The following GPC5 variants were observed in gnomAD, a reference collection of about 807,000 sequenced individuals.
GPC5 encodes the protein glypican-5.
A neutral mutation model predicts 53.9 loss-of-function variants in GPC5; 47 were observed. The ratio of observed to expected loss-of-function variants is 0.87; its 90% CI spans 0.69 to 1.11. The LOEUF (loss-of-function observed/expected upper bound fraction) is 1.11. GPC5 is among the 50% of genes most tolerant of loss of function. The pLI is 0.00. For missense variants in GPC5, 748 were observed against 713.1 expected (o/e 1.05, Z -0.56); for synonymous variants, 286 against 263.3 (o/e 1.09, Z -0.84).
intron 3 of GPC5, among the ~76,000 whole-genome samples, chr13:91,695,387 A>AT (rs1016818448): frequency 3.3e-5 from 5 of 151,844 alleles, no homozygotes; most frequent in Non-Finnish European, 5.9e-5. Context: ...TTATTTATTT[A>AT]TTTTTTGACG....
chr13:92,184,893 T>C (rs2042173161), intron 7 of GPC5, among the ~76,000 whole-genome samples: 1 of 152,176 alleles, frequency 6.6e-6, no homozygotes, highest in Non-Finnish European at 1.5e-5. Flanking sequence ...TACAAAGCCA[T>C]GTCTAGTAAT....
At chr13:91,747,187 A>G (rs1210530283) in intron 4 of GPC5, among the ~76,000 whole-genome samples, 3 of 152,226 alleles carry the variant, frequency 2.0e-5, no homozygotes, top group African/African-American at 7.2e-5. Context: ...CAATTATAAC[A>G]GTATAGCCAG....
At chr13:92,797,638 TA>T (rs1453803022) in intron 7 of GPC5, among the ~76,000 whole-genome samples, 1 of 151,918 alleles carries the variant, frequency 6.6e-6, no homozygotes, top group African/African-American at 2.4e-5. Flanking sequence ...CTTTCATTCC[TA>T]AAAGGAAGAT....
intron 2 of GPC5, among the ~76,000 whole-genome samples, chr13:91,599,579 A>T (rs879756555): frequency 1.1e-4 from 17 of 152,182 alleles, no homozygotes; most frequent in Non-Finnish European, 1.8e-4. Context: ...TAATTAAAAA[A>T]ATATACATAA....
At chr13:92,122,293 T>C (rs1296576111) in intron 6 of GPC5, among the ~76,000 whole-genome samples, 1 of 109,106 alleles carries the variant, frequency 9.2e-6, no homozygotes, top group Non-Finnish European at 1.8e-5. Flanking sequence ...TTTTTAACTT[T>C]TTTTTTAATC....
chr13:91,942,313 C>G (rs1234229546), intron 6 of GPC5, among the ~76,000 whole-genome samples: 1 of 151,998 alleles, frequency 6.6e-6, no homozygotes, highest in African/African-American at 2.4e-5. Flanking sequence ...TCATATATAG[C>G]TTTACTTACT....
chr13:92,598,115 AGACAAATTCT>A (rs1300195548), intron 7 of GPC5, among the ~76,000 whole-genome samples: 1 of 152,184 alleles, frequency 6.6e-6, no homozygotes, highest in East Asian at 1.9e-4. Flanking sequence ...TTTCTTCTGA[AGACAAATTCT>A]GACAAGACCA....
intron 7 of GPC5, among the ~76,000 whole-genome samples, chr13:92,741,625 T>A (rs1287159300): frequency 6.6e-6 from 1 of 152,178 alleles, no homozygotes; most frequent in Non-Finnish European, 1.5e-5. Context: ...TTAGGGTACA[T>A]GTGCACAATA....
chr13:92,625,036 T>C (rs1885002544), intron 7 of GPC5, among the ~76,000 whole-genome samples: 2 of 152,224 alleles, frequency 1.3e-5, no homozygotes, highest in Admixed American at 1.3e-4. Context: ...CTTTTTATTA[T>C]TGCTGTATTA....
chr13:91,622,577 A>G (rs576728897), intron 2 of GPC5, among the ~76,000 whole-genome samples: 3 of 152,274 alleles, frequency 2.0e-5, no homozygotes, highest in South Asian at 2.1e-4. Flanking sequence ...TTAGAAATAT[A>G]AAAGACAAAA....
At chr13:91,577,134 C>G (rs2139061792) in intron 2 of GPC5, among the ~76,000 whole-genome samples, 1 of 152,236 alleles carries the variant, frequency 6.6e-6, no homozygotes, top group African/African-American at 2.4e-5. Context: ...TCCCTAGGCA[C>G]TATATGGATT....
At chr13:91,794,087 T>G (rs557569297) in intron 5 of GPC5, among the ~76,000 whole-genome samples, 133 of 152,280 alleles carry the variant, frequency 8.7e-4, no homozygotes, top group Non-Finnish European at 1.4e-3. Flanking sequence ...TTATATAAAA[T>G]TATTAGTAAT....
chr13:91,490,393 T>C (rs749386842), intron 2 of GPC5, among the ~76,000 whole-genome samples: 2 of 152,134 alleles, frequency 1.3e-5, no homozygotes, highest in Non-Finnish European at 2.9e-5. Flanking sequence ...AGGTAATGAT[T>C]TTGGATCTTT....
chr13:91,922,037 A>G (rs2039720603), intron 6 of GPC5, among the ~76,000 whole-genome samples: 1 of 152,160 alleles, frequency 6.6e-6, no homozygotes, highest in African/African-American at 2.4e-5. Flanking sequence ...AAAGGAAAGT[A>G]GGGAGTTGGT....
intron 2 of GPC5, among the ~76,000 whole-genome samples, chr13:91,669,070 C>A (rs570046161): frequency 6.6e-6 from 1 of 152,094 alleles, no homozygotes; most frequent in Non-Finnish European, 1.5e-5. Context: ...ATTACAAATG[C>A]ATTAGGAAAC....
rs1444193074 is a variant in GPC5 at position 91,881,242 on chromosome 13, AC to A, written c.1281-26693del. On this transcript the variant is annotated intron_variant, in intron 5 of 7. Transcript: ENST00000377067. Reference sequence around the variant, plus strand: ...AATCATGATGGCCTGTAACAGAAGCACCTAAAAATTGAAGTAAATATATAAA... The same window carrying A: ...AATCATGATGGCCTGTAACAGAAGCACTAAAAATTGAAGTAAATATATAAA... 1.3e-4 allele frequency among the ~76,000 whole-genome samples: 20 copies of A among 152,266 alleles called. No individual in the cohort carries two copies. The East Asian group carries it at 3.9e-3, about 29-fold the overall frequency.
intron 3 of GPC5, among the ~76,000 whole-genome samples, chr13:91,726,788 G>A (rs1443996796): frequency 6.6e-6 from 1 of 152,170 alleles, no homozygotes; most frequent in Non-Finnish European, 1.5e-5. Flanking sequence ...CCATGGGCCT[G>A]CTGAAGGACC....
chr13:92,675,898 AG>A (rs1305247176), intron 7 of GPC5, among the ~76,000 whole-genome samples: 4 of 152,152 alleles, frequency 2.6e-5, no homozygotes, highest in African/African-American at 9.7e-5. Context: ...ATTCCCACAT[AG>A]TGCTAAGTGT....
chr13:92,478,879 A>AT (rs1429489074), intron 7 of GPC5, among the ~76,000 whole-genome samples: 2 of 152,110 alleles, frequency 1.3e-5, no homozygotes, highest in South Asian at 2.1e-4. Flanking sequence ...GTGCTTTTTA[A>AT]TTTTTTTGTC....
Sources: allele counts gnomAD v4.1 joint callset (sites outside exome capture counted in the v4.1 genomes callset), GRCh38; gene constraint gnomAD v4.1.1; transcripts MANE v1.5; gene names NCBI Gene and HGNC (gene_info 2026-07-23, HGNC 2026-07-21).